The following CACNB2 variants were observed in gnomAD, a reference collection of about 807,000 sequenced individuals.
The protein encoded by CACNB2 is voltage-dependent L-type calcium channel subunit beta-2.
Under a neutral mutation model 73.3 loss-of-function variants are expected in CACNB2, and 42 were observed. The observed-to-expected ratio is 0.57, with a 90% CI of 0.45 to 0.74. CACNB2 has a LOEUF of 0.74. CACNB2 is among the 30% of genes least tolerant of loss of function. CACNB2 has a pLI of 0.00. For synonymous variants in CACNB2, 348 were observed against 310.3 expected, an observed-to-expected ratio of 1.12 and a Z score of -1.28; for missense variants, 940 against 853.0, an observed-to-expected ratio of 1.10 and a Z score of -1.27.
chr10:18,288,419 G>A (rs1468197840), intron 2 of CACNB2, among the ~76,000 whole-genome samples: 1 of 152,152 alleles, frequency 6.6e-6, no homozygotes, highest in Non-Finnish European at 1.5e-5. Context: ...TCTGAAATGT[G>A]AAAAGTACAA....
intron 2 of CACNB2, among the ~76,000 whole-genome samples, chr10:18,239,609 A>C (rs888022936): frequency 6.6e-6 from 1 of 152,160 alleles, no homozygotes; most frequent in East Asian, 1.9e-4. Context: ...TATCTTTGCT[A>C]TTGTGAATAG....
intron 3 of CACNB2, among the ~76,000 whole-genome samples, chr10:18,453,654 G>T (rs924930577): frequency 3.3e-5 from 5 of 152,206 alleles, no homozygotes; most frequent in Admixed American, 6.5e-5. Context: ...TTTTGAGACG[G>T]AGTCTCGCTC....
intron 3 of CACNB2, among the ~76,000 whole-genome samples, chr10:18,485,748 C>T (rs1282628322): frequency 6.6e-6 from 1 of 151,308 alleles, no homozygotes; most frequent in Non-Finnish European, 1.5e-5. Context: ...TTTTAGTAGA[C>T]CTGGTTCCTA....
chr10:18,536,308 G>T, intron 12 of CACNB2, 112 bp downstream of exon 12: 1 of 627,346 alleles, frequency 1.6e-6, no homozygotes, highest in East Asian at 3.0e-5. Context: ...CCCATGTTGG[G>T]AGTGCAGTGG....
chr10:18,306,117 C>T (rs2039718470), intron 2 of CACNB2, among the ~76,000 whole-genome samples: 1 of 152,088 alleles, frequency 6.6e-6, no homozygotes, highest in Non-Finnish European at 1.5e-5. Flanking sequence ...AGCAAGCAGG[C>T]ATTTAATTGT....
intron 2 of CACNB2, among the ~76,000 whole-genome samples, chr10:18,268,187 T>C (rs948514781): frequency 6.6e-5 from 10 of 152,244 alleles, no homozygotes; most frequent in African/African-American, 2.2e-4. Flanking sequence ...TATGTAGGAA[T>C]GTAGTGGTCA....
At chr10:18,429,005 C>A (rs1298940815) in intron 3 of CACNB2, among the ~76,000 whole-genome samples, 1 of 152,200 alleles carries the variant, frequency 6.6e-6, no homozygotes, top group African/African-American at 2.4e-5. Flanking sequence ...TTAATTACTA[C>A]TGCCTTTTCT....
In CACNB2 at chr10:18,355,646, TA is replaced by T. The variant is rs151033797; in HGVS notation, c.214-46277del. Among the ~76,000 whole-genome samples the T allele has an allele frequency of 2.6e-3, 396 of 150,728 alleles. 1 individual carries two copies. The highest frequency in any genetic ancestry group is 9.1e-3 in the African/African-American group (368 of 40,656). On this transcript the variant is annotated intron_variant, in intron 2 of 13. Coordinates refer to ENST00000324631, the MANE Select transcript of CACNB2 (RefSeq NM_201596.3). ...GATTTTTCTCTTTTTTTTTTTTTTT[TA>T]TTTTTTTGAGACAGAGTCTTGCTCT... is the stretch of plus-strand genomic sequence containing the variant.
Position 18,536,085 on chromosome 10 carries a change from T to G in CACNB2, c.1207-16T>G. The G allele has an allele frequency of 1.3e-6, 2 of 1,491,286 alleles. No individual in the cohort carries two copies. Among genetic ancestry groups the G allele is most frequent in the East Asian group, 4.5e-5 (2 of 44,122 alleles). 92.4% of individuals were successfully genotyped at this position (1,491,286 alleles called of 1,614,324 possible). On this transcript the variant is annotated splice_polypyrimidine_tract_variant and intron_variant, in intron 11 of 13. Transcript: ENST00000324631. ...ATGTAGTTATTACTCTGTTAAAAAC[T>G]CATTATCTTTTACAGGTTTTACAAA...
chr10:18,254,667 C>T (rs970721030), intron 2 of CACNB2, among the ~76,000 whole-genome samples: 10 of 152,114 alleles, frequency 6.6e-5, no homozygotes, highest in African/African-American at 2.4e-4. Context: ...ATAGAGTGTG[C>T]ATTTTGGTGG....
chr10:18,290,625 C>T (rs1404216356), intron 2 of CACNB2, among the ~76,000 whole-genome samples: 2 of 152,180 alleles, frequency 1.3e-5, no homozygotes, highest in African/African-American at 4.8e-5. Context: ...TGGTTCCTTC[C>T]ACCTCTATTT....
chr10:18,426,202 G>A (rs766374981), intron 3 of CACNB2, among the ~76,000 whole-genome samples: 1 of 152,182 alleles, frequency 6.6e-6, no homozygotes, highest in Non-Finnish European at 1.5e-5. Context: ...GATCAACTTG[G>A]AGGAAAATGC....
intron 2 of CACNB2, among the ~76,000 whole-genome samples, chr10:18,221,569 C>T (rs2035794130): frequency 6.6e-6 from 1 of 152,076 alleles, no homozygotes. Context: ...GTCCCAGCTC[C>T]TTGGGAGGCT....
intron 6 of CACNB2, chr10:18,513,468 GCTC>G (rs773771233): frequency 4.9e-5 from 13 of 267,078 alleles, no homozygotes; most frequent in Admixed American, 4.0e-4. Context: ...CAGCCACTAT[GCTC>G]CTCATCTTCA....
intron 2 of CACNB2, among the ~76,000 whole-genome samples, chr10:18,294,147 C>T (rs2039181355): frequency 6.6e-6 from 1 of 152,194 alleles, no homozygotes; most frequent in African/African-American, 2.4e-5. Flanking sequence ...GCCCCTCGGG[C>T]ACGTTTCCGA....
intron 2 of CACNB2, chr10:18,401,110 AG>A: frequency 6.2e-7 from 1 of 1,614,192 alleles, no homozygotes. Context: ...TGTAAGCGCA[AG>A]GGCTTTCGTT....
chr10:18,522,877 CAAAAAAAAAAAAAAAAAAAAAAAAAA>C (rs10528720), intron 9 of CACNB2, among the ~76,000 whole-genome samples: 1 of 77,828 alleles, frequency 1.3e-5, no homozygotes. Context: ...GACTCTGTCT[CAAAAAAAAAAAAAAAAAAAAAAAAAA>C]AAAAAAAAAA....
intron 2 of CACNB2, among the ~76,000 whole-genome samples, chr10:18,248,730 T>A (rs2036966569): frequency 6.6e-6 from 1 of 152,204 alleles, no homozygotes; most frequent in South Asian, 2.1e-4. Flanking sequence ...GTAACCAACA[T>A]CGTTTGATAG....
chr10:18,440,861 C>A (rs2046377534), intron 3 of CACNB2, among the ~76,000 whole-genome samples: 1 of 152,172 alleles, frequency 6.6e-6, no homozygotes, highest in African/African-American at 2.4e-5. Flanking sequence ...CAGGGACTTG[C>A]AGGCCAGAGA....
Sources: allele counts gnomAD v4.1 joint callset (sites outside exome capture counted in the v4.1 genomes callset), GRCh38; gene constraint gnomAD v4.1.1; transcripts MANE v1.5; gene names NCBI Gene and HGNC (gene_info 2026-07-23, HGNC 2026-07-21).